ASPSCR1: variants seen among roughly 807,000 people sequenced by gnomAD.
The protein encoded by ASPSCR1 is tether containing UBX domain for GLUT4.
A neutral mutation model predicts 68.9 loss-of-function variants in ASPSCR1; 55 were observed. That is an observed-to-expected ratio of 0.80 (90% CI 0.64 to 1.00). The LOEUF is 1.00. Among genes scored for constraint, ASPSCR1 ranks in the 50% least tolerant of loss-of-function variants. The probability of loss-of-function intolerance (pLI) is 0.00; values close to 1 mark genes in which losing one functional copy is unlikely to be tolerated. For missense variants in ASPSCR1, 765 were observed against 762.2 expected, an observed-to-expected ratio of 1.00 and a Z score of -0.04; for synonymous variants, 352 against 332.6, an observed-to-expected ratio of 1.06 and a Z score of -0.63.
At chr17:81,979,798 T>C (rs531631009) in intron 2 of ASPSCR1, among the ~76,000 whole-genome samples, 107 of 152,262 alleles carry the variant, frequency 7.0e-4, no homozygotes, top group African/African-American at 2.5e-3. Context: ...CCCTGCAGTC[T>C]CACAGCCCCT....
intron 4 of ASPSCR1, among the ~76,000 whole-genome samples, chr17:81,992,362 C>G (rs950200234): frequency 2.6e-5 from 4 of 152,174 alleles, no homozygotes; most frequent in Non-Finnish European, 5.9e-5. Context: ...TCCCTGAGAT[C>G]CCGCATGAGG....
In ASPSCR1 at chr17:82,016,466, C is replaced by T; in HGVS notation, c.1354-10C>T. The T allele has an allele frequency of 6.5e-7, 1 of 1,547,798 alleles. No homozygotes were observed. Among genetic ancestry groups the T allele is most frequent in the African/African-American group, 1.4e-5 (1 of 73,114 alleles). On this transcript the variant is annotated splice_polypyrimidine_tract_variant and intron_variant, in intron 12 of 15. Coordinates refer to ENST00000306739, the MANE Select transcript of ASPSCR1 (RefSeq NM_024083.4). ...ACACCCGGCCCCTGAGCCCCCCGCC[C>T]TCCCTGCAGGCGAACCTCTTCCCGG...
intron 12 of ASPSCR1, chr17:82,016,124 C>T (rs867242152): frequency 1.5e-4 from 44 of 293,754 alleles, no homozygotes; most frequent in African/African-American, 8.0e-4. Context: ...ACGGTGGTCC[C>T]GGCGCATCCG....
At position 81,983,584 on chromosome 17, in the gene ASPSCR1, C is replaced by T. The variant is rs1328529922; in HGVS notation, c.189C>T (p.Leu63=). The T allele has an allele frequency of 6.2e-7, 1 of 1,613,392 alleles. No homozygotes were observed. The highest frequency in any genetic ancestry group is 8.5e-7 in the Non-Finnish European group (1 of 1,179,906). ...KFQRSVLDLS[L]QWRFANLPNN... ...AGAGGAGCGTGCTCGACCTTTCTCT[C>T]CAGTGGAGATTTGCCAACCTGCCCA... The change falls in exon 3 of 16, where the codon CTC becomes CTT. Residue 63 remains leucine (L), a synonymous_variant. Transcript: ENST00000306739. The surrounding 1 kb of genome is among the most constrained non-coding windows in gnomAD (Gnocchi z 4.4).
At chr17:82,005,201 G>C (rs771126369) in intron 7 of ASPSCR1, 5 of 152,270 alleles carry the variant, frequency 3.3e-5, no homozygotes, top group African/African-American at 1.2e-4. Context: ...GTCCTGGCCC[G>C]CTGGGCAGAG....
At chr17:82,010,310 A>ACC (rs1288338149) in intron 9 of ASPSCR1, among the ~76,000 whole-genome samples, 1 of 151,094 alleles carries the variant, frequency 6.6e-6, no homozygotes, top group Non-Finnish European at 1.5e-5. Flanking sequence ...TGGGCGGATC[A>ACC]TGAGGTCAGG....
chr17:82,016,605 G>A (rs773467041), intron 13 of ASPSCR1, 78 bp downstream of exon 13: 7 of 1,534,818 alleles, frequency 4.6e-6, no homozygotes, highest in Non-Finnish European at 6.2e-6. Flanking sequence ...GCCCGGGAGG[G>A]CGTTCGGTCT....
intron 5 of ASPSCR1, 29 bp from the exon 6 acceptor site, chr17:81,995,963 C>T (rs745358133): frequency 1.9e-5 from 30 of 1,600,156 alleles, no homozygotes; most frequent in South Asian, 1.5e-4. Flanking sequence ...CGGTGCAAGG[C>T]GCACCTGTCC....
chr17:81,994,675 C>A, intron 4 of ASPSCR1, 146 bp from the exon 5 acceptor site: 1 of 783,436 alleles, frequency 1.3e-6, no homozygotes, highest in Non-Finnish European at 2.1e-6. Flanking sequence ...AGGTCTGTGG[C>A]CTGGGCCTGG....
At chr17:82,010,698 A>G in intron 9 of ASPSCR1, 104 bp from the exon 10 acceptor site, 1 of 1,253,750 alleles carries the variant, frequency 8.0e-7, no homozygotes, top group East Asian at 2.3e-5. Context: ...TGCCTGCCTC[A>G]GCCCTGGTGT....
chr17:81,993,352 C>T (rs965635902), intron 4 of ASPSCR1, among the ~76,000 whole-genome samples: 10 of 151,986 alleles, frequency 6.6e-5, no homozygotes, highest in African/African-American at 1.9e-4. Context: ...TAGCTGGGAC[C>T]ACAGGCGCCC....
intron 6 of ASPSCR1, 116 bp from the exon 7 acceptor site, chr17:81,996,304 G>GAA: frequency 1.4e-6 from 2 of 1,460,622 alleles, no homozygotes; most frequent in Non-Finnish European, 1.8e-6. Flanking sequence ...AGGAGAGGGT[G>GAA]AACCGGGGGC....
intron 4 of ASPSCR1, among the ~76,000 whole-genome samples, chr17:81,989,482 C>T (rs950147291): frequency 3.3e-5 from 5 of 152,102 alleles, no homozygotes; most frequent in East Asian, 1.9e-4. Flanking sequence ...CAGAGTGGGA[C>T]GGGCGGGAAG....
rs759144950 is a variant in ASPSCR1, at chr17:81,977,698, A to G, written c.52A>G (p.Asn18Asp). ...CTCCGCGGTGTCGGTGCTGGCCCCG[A>G]ACGGCCGGCGCCACACGGTGAAGGT... is the stretch of plus-strand genomic sequence containing the variant. ...GGSAVSVLAP[N>D]GRRHTVKVTP... Residue 18 changes from asparagine to aspartate, a missense_variant, in exon 1 of 16, where the codon AAC becomes GAC. Asn to Asp is a conservative substitution (Grantham distance 23, BLOSUM62 1). Transcript: ENST00000306739. The surrounding 1 kb of genome is among the most constrained non-coding windows in gnomAD (Gnocchi z 5.0). 4.0e-5 allele frequency: 54 copies of G among 1,366,878 alleles called. No individual in the cohort carries two copies. In the South Asian group the frequency reaches 7.2e-4, roughly 18 times the overall value. The allele number at this position is 1,366,878 out of a possible 1,614,324, so 84.7% of individuals were successfully genotyped here.
Position 81,985,530 on chromosome 17 carries a change from C to A in ASPSCR1, c.297C>A (p.Asp99Glu). Residue 99 changes from aspartate (D) to glutamate (E), a missense_variant, in exon 4 of 16, where the codon GAC becomes GAA. Transcript: ENST00000306739. ...ENMVRIALQL[D>E]DGSRLQDSFC... ...AGGTTCGCATCGCTTTGCAGCTGGACGATGGCTCGAGGTTGCAGGACTCTT... is the reference window on the plus strand; with the variant it reads ...AGGTTCGCATCGCTTTGCAGCTGGAAGATGGCTCGAGGTTGCAGGACTCTT... 1 of 1,614,082 alleles carries A rather than the reference C, an allele frequency of 6.2e-7. No homozygotes were observed.
chr17:81,985,296 A>G (rs1294982729), intron 3 of ASPSCR1, among the ~76,000 whole-genome samples: 1 of 152,152 alleles, frequency 6.6e-6, no homozygotes, highest in African/African-American at 2.4e-5. Flanking sequence ...ACTCACATGC[A>G]CACACGCATG....
intron 11 of ASPSCR1, among the ~76,000 whole-genome samples, 197 bp downstream of exon 11, chr17:82,011,802 G>A (rs995419329): frequency 1.3e-5 from 2 of 152,128 alleles, no homozygotes; most frequent in African/African-American, 4.8e-5. Context: ...GAGCCAGGCG[G>A]TGGGAGCCAG....
rs1243824597 is a variant in ASPSCR1 at position 81,990,173 on chromosome 17, C to T, written c.374+4566C>T. Among the ~76,000 whole-genome samples the T allele has an allele frequency of 2.6e-5, 4 of 152,208 alleles. No homozygotes were observed. Among genetic ancestry groups the T allele is most frequent in the Admixed American group, 1.3e-4 (2 of 15,280 alleles). ...TAGTTAACTCAGTATACCCAAAATACGACTTCCTGGACACGTAGTCAGTAG... is the reference window on the plus strand; with the variant it reads ...TAGTTAACTCAGTATACCCAAAATATGACTTCCTGGACACGTAGTCAGTAG... On this transcript the variant is annotated intron_variant, in intron 4 of 15. Transcript: ENST00000306739. The surrounding 1 kb of genome is among the most constrained non-coding windows in gnomAD (Gnocchi z 4.1).
rs1263319188 is a variant in ASPSCR1 at position 81,995,114 on chromosome 17, CA to C, written c.432+240del. 4 of 526,546 alleles carry C rather than the reference CA, an allele frequency of 7.6e-6. 1 individual carries two copies. Among genetic ancestry groups the C allele is most frequent in the Admixed American group, 3.7e-5 (1 of 27,330 alleles). 32.6% of individuals were successfully genotyped at this position (526,546 alleles called of 1,614,324 possible). A position where few individuals can be genotyped will look rare whatever the true frequency, so the allele number is the denominator to read the frequency against. ...AGCTTCTCTCAAAGCCCAAGAGTCA[CA>C]AAAGTGGTTTCATTTAATAAATATT... On this transcript the variant is annotated intron_variant, in intron 5 of 15. Coordinates refer to ENST00000306739, the MANE Select transcript of ASPSCR1 (RefSeq NM_024083.4).
Sources: allele counts gnomAD v4.1 joint callset (sites outside exome capture counted in the v4.1 genomes callset), GRCh38; gene constraint gnomAD v4.1.1; non-coding constraint Gnocchi (gnomAD v3.1); transcripts MANE v1.5; gene names NCBI Gene and HGNC (gene_info 2026-07-23, HGNC 2026-07-21).